The following FABP1 variants were observed in gnomAD, a reference collection of about 807,000 sequenced individuals.
FABP1 encodes the protein fatty acid-binding protein, liver.
A neutral mutation model predicts 13.7 loss-of-function variants in FABP1; 13 were observed. The observed-to-expected ratio is 0.95, with a 90% CI of 0.62 to 1.51. FABP1 has a LOEUF of 1.51. FABP1 is among the 40% of genes most tolerant of loss of function. The pLI, the probability that FABP1 is intolerant of heterozygous loss-of-function variation, is 0.00. For synonymous variants in FABP1, 48 were observed against 59.8 expected (o/e 0.80, Z 0.91); for missense variants, 140 against 155.7 (o/e 0.90, Z 0.54).
chr2:88,127,875 C>T, intron 1 of FABP1, 76 bp downstream of exon 1: 1 of 1,440,088 alleles, frequency 6.9e-7, no homozygotes, highest in Non-Finnish European at 9.8e-7. Context: ...ACATTTGGAC[C>T]CTAAATAGCC....
At chr2:88,123,294 G>A in intron 3 of FABP1, 190 bp from the exon 4 acceptor site, 1 of 573,792 alleles carries the variant, frequency 1.7e-6, no homozygotes, top group Non-Finnish European at 3.1e-6. Flanking sequence ...AAAATCCTAT[G>A]CCAAGTCTTT....
Position 88,123,024 on chromosome 2 carries a change from A to G in FABP1, c.*30T>C. On this transcript the variant is annotated 3_prime_UTR_variant, in exon 4 of 4. Transcript: ENST00000295834. The stretch of plus-strand genomic sequence containing the variant: ...GTTCACTTTATTACATTAATTTTAC[A>G]CACTAAAATAATATGAAATGCAGAC... 1 of 1,558,132 alleles carries G rather than the reference A, an allele frequency of 6.4e-7. No homozygotes were observed. Among genetic ancestry groups the G allele is most frequent in the African/African-American group, 1.4e-5 (1 of 72,828 alleles).
intron 1 of FABP1, chr2:88,126,784 G>T (rs1192945485): frequency 1.2e-5 from 2 of 170,294 alleles, no homozygotes; most frequent in Non-Finnish European, 2.6e-5. Flanking sequence ...ATCATGCCAG[G>T]CCAACATACA....
At chr2:88,126,674 C>A in intron 1 of FABP1, 1 of 232,760 alleles carries the variant, frequency 4.3e-6, no homozygotes, top group Non-Finnish European at 8.7e-6. Context: ...GATGACTTTG[C>A]TCTTGGAGTG....
Position 88,123,105 on chromosome 2 carries a change from C to G in FABP1, c.334-1G>C. Reference sequence around the variant, plus strand: ...AGACAATGTCACCCAATGTCATGGTCTGAAAGCCAGAAAAGAAATTATGAA... The same window carrying G: ...AGACAATGTCACCCAATGTCATGGTGTGAAAGCCAGAAAAGAAATTATGAA... On this transcript the variant is annotated splice_acceptor_variant, in intron 3 of 3. Coordinates refer to ENST00000295834, the MANE Select transcript of FABP1 (RefSeq NM_001443.3). LOFTEE classifies it high-confidence loss of function. 2 of 1,608,864 alleles carry G rather than the reference C, an allele frequency of 1.2e-6. No individual in the cohort carries two copies. Among genetic ancestry groups the G allele is most frequent in the East Asian group, 4.5e-5 (2 of 44,780 alleles).
intron 2 of FABP1, chr2:88,125,944 G>T: frequency 4.8e-6 from 2 of 420,254 alleles, no homozygotes; most frequent in Non-Finnish European, 8.7e-6. Flanking sequence ...ATATGGGAGA[G>T]CTCAGACTTT....
In FABP1 at chr2:88,126,246, T is replaced by G. The variant is rs919567939; in HGVS notation, c.170A>C (p.Lys57Thr). Residue 57 changes from lysine to threonine, a missense_variant, in exon 2 of 4, where the codon AAA becomes ACA. Coordinates refer to ENST00000295834, the MANE Select transcript of FABP1 (RefSeq NM_001443.3). ...HFKFTITAGS[K>T]VIQNEFTVGE... is the part of the protein sequence containing the mutation. Reference sequence around the variant, plus strand: ...CACCGTGAATTCGTTTTGGATCACTTTGGACCCAGCGGTGATGGTGAACTT... The same window carrying G: ...CACCGTGAATTCGTTTTGGATCACTGTGGACCCAGCGGTGATGGTGAACTT... The G allele has an allele frequency of 8.7e-6, 14 of 1,613,848 alleles. No homozygotes were observed. In the African/African-American group the frequency reaches 1.6e-4, roughly 18 times the overall value.
chr2:88,124,302 T>A, intron 3 of FABP1, 192 bp downstream of exon 3: 1 of 529,696 alleles, frequency 1.9e-6, no homozygotes, highest in Non-Finnish European at 3.3e-6. Context: ...AAAGGATTAG[T>A]GATAATGTGT....
chr2:88,124,102 C>T (rs2970900), intron 3 of FABP1: 180,792 of 183,912 alleles, frequency 0.98, 88,871 homozygotes, highest in East Asian at 1. Flanking sequence ...AAATAGGGTA[C>T]AGGATGTGGC....
intron 2 of FABP1, among the ~76,000 whole-genome samples, chr2:88,125,049 G>T (rs1469927663): frequency 6.6e-6 from 1 of 150,498 alleles, no homozygotes; most frequent in Non-Finnish European, 1.5e-5. Flanking sequence ...GGCTCAAACA[G>T]TCCTTTCACT....
Position 88,126,270 on chromosome 2 carries a change from T to C in FABP1, c.146A>G (p.Lys49Arg). 6.2e-7 allele frequency: 1 copy of C among 1,614,034 alleles called. No individual in the cohort carries two copies. The highest frequency in any genetic ancestry group is 8.5e-7 in the Non-Finnish European group (1 of 1,179,924). ...TTTGGACCCAGCGGTGATGGTGAAC[T>C]TGAAGTGCTTCCCATTCTGCACGAT... ...SEIVQNGKHF[K>R]FTITAGSKVI... The change falls in exon 2 of 4, where the codon AAG (lysine) becomes AGG (arginine). Residue 49 changes from lysine (K) to arginine (R), a missense_variant. Transcript: ENST00000295834.
chr2:88,126,022 T>C, intron 2 of FABP1, 154 bp downstream of exon 2: 1 of 768,674 alleles, frequency 1.3e-6, no homozygotes, highest in Non-Finnish European at 2.1e-6. Flanking sequence ...GATTCTTCCC[T>C]AAGAGCTGCC....
rs1016174249 is a variant in FABP1 at position 88,126,001 on chromosome 2, C to T, written c.240+175G>A. The T allele has an allele frequency of 6.4e-6, 4 of 621,838 alleles. No homozygotes were observed. The African/African-American group carries it at 7.2e-5, about 11-fold the overall frequency. The allele number at this position is 621,838 out of a possible 1,614,324, so 38.5% of individuals were successfully genotyped here. ...ACAGTCCCTGGGAAGAGGAGAGCAG[C>T]TTCTCTATAAGATTCTTCCCTAAGA... On this transcript the variant is annotated intron_variant, in intron 2 of 3. Transcript: ENST00000295834.
intron 2 of FABP1, 184 bp downstream of exon 2, chr2:88,125,992 G>C: frequency 5.2e-6 from 3 of 580,584 alleles, no homozygotes; most frequent in Non-Finnish European, 8.9e-6. Context: ...CCTGGGAAGA[G>C]GAGAGCAGCT....
chr2:88,123,254 G>A (rs1468117071), intron 3 of FABP1, 150 bp from the exon 4 acceptor site: 2 of 628,734 alleles, frequency 3.2e-6, no homozygotes, highest in East Asian at 2.9e-5. Context: ...GTTTCCTGTA[G>A]GACCGGAGGA....
At chr2:88,124,777 C>T (rs528238654) in intron 2 of FABP1, among the ~76,000 whole-genome samples, 191 bp from the exon 3 acceptor site, 25 of 152,214 alleles carry the variant, frequency 1.6e-4, no homozygotes, top group Non-Finnish European at 2.5e-4. Flanking sequence ...TAAAATGTCA[C>T]GACTTCTTTT....
chr2:88,125,573 C>G (rs750395563), intron 2 of FABP1, among the ~76,000 whole-genome samples: 2 of 152,204 alleles, frequency 1.3e-5, no homozygotes, highest in Admixed American at 6.5e-5. Context: ...TTGTGCCCAG[C>G]AGAAGTGATG....
chr2:88,125,528 C>G (rs1282007164), intron 2 of FABP1, among the ~76,000 whole-genome samples: 1 of 152,180 alleles, frequency 6.6e-6, no homozygotes, highest in Non-Finnish European at 1.5e-5. Context: ...ACCACTCACA[C>G]AGCCCACACC....
At chr2:88,125,951 C>A (rs902940383) in intron 2 of FABP1, 2 of 434,846 alleles carry the variant, frequency 4.6e-6, no homozygotes, top group East Asian at 6.6e-5. Context: ...AGAGCTCAGA[C>A]TTTAGGGGCT....
Sources: gnomAD v4.1 joint callset for allele counts (sites outside exome capture counted in the v4.1 genomes callset) on GRCh38, gnomAD v4.1.1 for gene constraint, MANE v1.5 for transcripts, NCBI Gene and HGNC (gene_info 2026-07-23, HGNC 2026-07-21) for gene names.